DPP10: variants seen among roughly 807,000 people sequenced by gnomAD.
DPP10 encodes the protein inactive dipeptidyl peptidase 10.
A neutral mutation model predicts 120.9 loss-of-function variants in DPP10; 33 were observed. The ratio of observed to expected loss-of-function variants is 0.27; its 90% CI spans 0.21 to 0.37. DPP10 has a LOEUF of 0.37. Ranked by LOEUF, DPP10 falls within the 10% of genes least tolerant of loss-of-function variation. The pLI, the probability that DPP10 is intolerant of heterozygous loss-of-function variation, is 1.00. For synonymous variants in DPP10, 337 were observed against 326.1 expected (o/e 1.03, Z -0.36); for missense variants, 816 against 942.8 (o/e 0.87, Z 1.76).
Position 114,647,696 on chromosome 2 carries a change from T to C in DPP10, c.60+204858T>C, listed in dbSNP as rs138090526. Among the ~76,000 whole-genome samples the C allele has an allele frequency of 1.2e-4, 18 of 151,220 alleles. No homozygotes were observed. In the East Asian group the frequency reaches 3.5e-3, roughly 29 times the overall value. On this transcript the variant is annotated intron_variant, in intron 1 of 25. Transcript: ENST00000410059. Reference sequence around the variant, plus strand: ...CAGACACCTATGATGATGATTCTGGTTGTTGGTTGTGGGACATTAGAATAA... The same window carrying C: ...CAGACACCTATGATGATGATTCTGGCTGTTGGTTGTGGGACATTAGAATAA...
chr2:115,222,928 G>T (rs150643228), intron 1 of DPP10, among the ~76,000 whole-genome samples: 1 of 151,970 alleles, frequency 6.6e-6, no homozygotes, highest in Non-Finnish European at 1.5e-5. Flanking sequence ...GTAGCATACC[G>T]AAAGAACAAA....
intron 5 of DPP10, among the ~76,000 whole-genome samples, chr2:115,674,658 C>T (rs559080462): frequency 1.3e-5 from 2 of 152,048 alleles, no homozygotes; most frequent in Non-Finnish European, 2.9e-5. Context: ...TTAGTAATAA[C>T]CAGGTTAATG....
At chr2:115,637,951 A>G (rs980158587) in intron 5 of DPP10, among the ~76,000 whole-genome samples, 1 of 152,356 alleles carries the variant, frequency 6.6e-6, no homozygotes, top group African/African-American at 2.4e-5. Context: ...TCATGAAACT[A>G]AGAGGGTAAC....
intron 3 of DPP10, among the ~76,000 whole-genome samples, chr2:115,461,109 T>C (rs2073959734): frequency 1.3e-5 from 2 of 152,188 alleles, no homozygotes; most frequent in Admixed American, 1.3e-4. Flanking sequence ...CTGTGGCTTC[T>C]ATGTTGAGAA....
intron 7 of DPP10, among the ~76,000 whole-genome samples, chr2:115,704,207 C>T (rs984278138): frequency 6.6e-6 from 1 of 151,740 alleles, no homozygotes; most frequent in Admixed American, 6.6e-5. Flanking sequence ...TCCTCTGTGT[C>T]TCTGAGTCAT....
intron 5 of DPP10, among the ~76,000 whole-genome samples, chr2:115,679,802 A>C (rs2090523874): frequency 6.6e-6 from 1 of 152,302 alleles, no homozygotes; most frequent in Non-Finnish European, 1.5e-5. Flanking sequence ...TTTAGCTCAC[A>C]GAAGTAAAGA....
At chr2:115,759,417 A>G (rs558708923) in intron 11 of DPP10, among the ~76,000 whole-genome samples, 1 of 151,712 alleles carries the variant, frequency 6.6e-6, no homozygotes, top group South Asian at 2.1e-4. Flanking sequence ...AAATAAAAGC[A>G]CTCAACTTCA....
At chr2:114,993,564 ATGTG>A (rs67544881) in intron 1 of DPP10, among the ~76,000 whole-genome samples, 6 of 115,628 alleles carry the variant, frequency 5.2e-5, no homozygotes, top group African/African-American at 1.9e-4. Flanking sequence ...GATTCTTATT[ATGTG>A]TGTGTGTGTG....
At chr2:115,728,007 CTA>C in intron 8 of DPP10, 71 bp downstream of exon 8, 1 of 1,505,708 alleles carries the variant, frequency 6.6e-7, no homozygotes, top group Non-Finnish European at 8.9e-7. Context: ...CAAAAAAAAT[CTA>C]TTCATTCCGG....
intron 1 of DPP10, among the ~76,000 whole-genome samples, chr2:114,971,113 G>C (rs1248821316): frequency 2.6e-5 from 4 of 152,204 alleles, no homozygotes. Context: ...TTGTGTGTCA[G>C]TTGTGACGCC....
At chr2:114,926,429 A>G (rs1445791731) in intron 1 of DPP10, among the ~76,000 whole-genome samples, 3 of 152,196 alleles carry the variant, frequency 2.0e-5, no homozygotes, top group Admixed American at 6.5e-5. Context: ...TAAAAGTCAC[A>G]TCGCTGGAAT....
chr2:114,748,917 C>G (rs1436815509), intron 1 of DPP10, among the ~76,000 whole-genome samples: 1 of 120,970 alleles, frequency 8.3e-6, no homozygotes, highest in East Asian at 2.3e-4. Flanking sequence ...GGGTATATAC[C>G]CAGTAATGGG....
chr2:115,405,864 C>G (rs920937009), intron 3 of DPP10, among the ~76,000 whole-genome samples: 2 of 152,128 alleles, frequency 1.3e-5, no homozygotes, highest in African/African-American at 4.8e-5. Context: ...AACATTCCAC[C>G]CTTGGAGACC....
At chr2:114,706,123 A>G (rs1700671323) in intron 1 of DPP10, among the ~76,000 whole-genome samples, 1 of 152,206 alleles carries the variant, frequency 6.6e-6, no homozygotes, top group South Asian at 2.1e-4. Context: ...TTACAGTGCA[A>G]GTTCTAAGTC....
At chr2:114,942,462 C>T in intron 1 of DPP10, among the ~76,000 whole-genome samples, 1 of 142,352 alleles carries the variant, frequency 7.0e-6, no homozygotes, top group South Asian at 2.2e-4. Flanking sequence ...AATATTTTGG[C>T]CAATTCAATT....
chr2:115,408,683 T>C (rs1491000018), intron 3 of DPP10, among the ~76,000 whole-genome samples: 1 of 152,104 alleles, frequency 6.6e-6, no homozygotes, highest in Non-Finnish European at 1.5e-5. Context: ...TGGAACATCT[T>C]CAAAATTTGA....
chr2:115,281,946 A>G (rs2060174367), intron 1 of DPP10, among the ~76,000 whole-genome samples: 1 of 152,096 alleles, frequency 6.6e-6, no homozygotes, highest in South Asian at 2.1e-4. Flanking sequence ...TAATTTTTAC[A>G]TATGTACTTA....
chr2:115,671,925 A>G (rs1382504622), intron 5 of DPP10, among the ~76,000 whole-genome samples: 2 of 152,184 alleles, frequency 1.3e-5, no homozygotes, highest in Non-Finnish European at 2.9e-5. Flanking sequence ...CAAATGGAAT[A>G]GTGTGACAAC....
At chr2:115,840,729 T>C in intron 24 of DPP10, 21 bp from the exon 25 acceptor site, 2 of 1,609,246 alleles carry the variant, frequency 1.2e-6, no homozygotes, top group Non-Finnish European at 1.7e-6. Context: ...TCTTCAGATA[T>C]CATAATTTGA....
Sources: allele counts gnomAD v4.1 joint callset (sites outside exome capture counted in the v4.1 genomes callset), GRCh38; gene constraint gnomAD v4.1.1; transcripts MANE v1.5; gene names NCBI Gene and HGNC (gene_info 2026-07-23, HGNC 2026-07-21).